CEP83: variants seen among roughly 807,000 people sequenced by gnomAD.
The protein encoded by CEP83 is centrosomal protein of 83 kDa.
Under a neutral mutation model 101.9 loss-of-function variants are expected in CEP83, and 70 were observed. That is an observed-to-expected ratio of 0.69 (90% CI 0.57 to 0.84). CEP83 has a LOEUF of 0.84. CEP83 is among the 40% of genes least tolerant of loss of function. The pLI is 0.00. For synonymous variants in CEP83, 264 were observed against 267.9 expected (o/e 0.99, Z 0.14); for missense variants, 715 against 787.2 (o/e 0.91, Z 1.10).
At chr12:94,362,646 T>C (rs2060827666) in intron 11 of CEP83, among the ~76,000 whole-genome samples, 1 of 151,894 alleles carries the variant, frequency 6.6e-6, no homozygotes, top group Non-Finnish European at 1.5e-5. Flanking sequence ...CAAAAAAAAC[T>C]GAAACAGAAC....
At position 94,341,242 on chromosome 12, in the gene CEP83, T is replaced by C. The variant is rs545163563; in HGVS notation, c.1344-5578A>G. Among the ~76,000 whole-genome samples, 16 of 152,176 alleles carry C rather than the reference T, an allele frequency of 1.1e-4. 1 individual carries two copies. Among genetic ancestry groups the C allele is most frequent in the Non-Finnish European group, 2.2e-4 (15 of 68,038 alleles). ...CTTTCATCAAAAGAAAAGACTGGTATATAATTAATAAAGGATCTGTCAAAG... is the reference window on the plus strand; with the variant it reads ...CTTTCATCAAAAGAAAAGACTGGTACATAATTAATAAAGGATCTGTCAAAG... On this transcript the variant is annotated intron_variant, in intron 11 of 16. Coordinates refer to ENST00000397809, the MANE Select transcript of CEP83 (RefSeq NM_016122.3).
intron 6 of CEP83, among the ~76,000 whole-genome samples, chr12:94,381,184 G>A (rs1054647897): frequency 2.0e-5 from 3 of 152,162 alleles, no homozygotes; most frequent in East Asian, 1.9e-4. Flanking sequence ...TTGTGTCCCA[G>A]ACATTTGGCA....
chr12:94,353,439 A>G (rs1275419771), intron 11 of CEP83, among the ~76,000 whole-genome samples: 2 of 152,216 alleles, frequency 1.3e-5, no homozygotes, highest in East Asian at 3.8e-4. Flanking sequence ...AGATATACAA[A>G]TGAGAAAGAA....
intron 7 of CEP83, among the ~76,000 whole-genome samples, chr12:94,378,055 G>A (rs943033851): frequency 2.0e-5 from 3 of 151,760 alleles, no homozygotes; most frequent in Non-Finnish European, 2.9e-5. Flanking sequence ...TTAAATGCCC[G>A]CTAATGTCCC....
chr12:94,298,987 C>G, the CEP83 span, among the ~76,000 whole-genome samples: 1 of 152,114 alleles, frequency 6.6e-6, no homozygotes, highest in Non-Finnish European at 1.5e-5. Flanking sequence ...CATTCCTATG[C>G]CAAGAATCCT....
At chr12:94,279,924 C>A in the CEP83 span, 2 of 574,996 alleles carry the variant, frequency 3.5e-6, no homozygotes, top group Non-Finnish European at 6.5e-6. Context: ...GATGAGATTG[C>A]AGGCCCTGAG....
At chr12:94,340,216 G>C (rs1176407698) in intron 11 of CEP83, among the ~76,000 whole-genome samples, 3 of 152,176 alleles carry the variant, frequency 2.0e-5, no homozygotes, top group African/African-American at 7.2e-5. Flanking sequence ...ATTGACTACA[G>C]GATATCATAA....
intron 6 of CEP83, among the ~76,000 whole-genome samples, chr12:94,395,747 G>A (rs2137476609): frequency 6.6e-6 from 1 of 152,280 alleles, no homozygotes. Flanking sequence ...CATGAACCCA[G>A]AAGGCAGAGC....
intron 2 of CEP83, 95 bp from the exon 3 acceptor site, chr12:94,412,686 T>C: frequency 2.6e-6 from 1 of 378,810 alleles, no homozygotes; most frequent in Non-Finnish European, 4.4e-6. Context: ...ATTATTCTTT[T>C]TTTTTTCTTT....
At chr12:94,368,528 C>T (rs2061135423) in intron 9 of CEP83, 1 of 191,758 alleles carries the variant, frequency 5.2e-6, no homozygotes, top group Non-Finnish European at 1.1e-5. Context: ...TACTTCACCT[C>T]TAAAGAGGTT....
intron 1 of CEP83, among the ~76,000 whole-genome samples, chr12:94,455,930 C>G (rs1024744395): frequency 1.3e-5 from 2 of 151,978 alleles, no homozygotes; most frequent in Non-Finnish European, 2.9e-5. Flanking sequence ...ACCTGTTAGC[C>G]CCAGCCACTT....
At chr12:94,305,796 C>T (rs1263986281), downstream of CEP83, 3 of 152,838 alleles carry the variant, frequency 2.0e-5, no homozygotes, top group South Asian at 2.1e-4. Flanking sequence ...AAAAGCTGAC[C>T]GCAGAATTTG....
intron 2 of CEP83, among the ~76,000 whole-genome samples, chr12:94,425,951 T>G (rs1333734641): frequency 2.6e-5 from 4 of 151,884 alleles, no homozygotes; most frequent in Non-Finnish European, 5.9e-5. Context: ...AAACCCCATC[T>G]CTACTAAAAA....
At chr12:94,409,213 G>A (rs2063731508) in intron 4 of CEP83, among the ~76,000 whole-genome samples, 1 of 151,988 alleles carries the variant, frequency 6.6e-6, no homozygotes, top group African/African-American at 2.4e-5. Flanking sequence ...TTCAAAATGT[G>A]TGTTTATATG....
chr12:94,306,238 GATACATT>G (rs1968999922), downstream of CEP83: 1 of 151,004 alleles, frequency 6.6e-6, no homozygotes, highest in African/African-American at 2.5e-5. Context: ...AAAAAAAAAA[GATACATT>G]TTACATTTTA....
intron 6 of CEP83, among the ~76,000 whole-genome samples, chr12:94,396,592 C>T (rs1228260647): frequency 2.0e-5 from 3 of 151,948 alleles, no homozygotes; most frequent in Admixed American, 6.6e-5. Context: ...CTGGCCAACA[C>T]TGTATTTATT....
chr12:94,303,443 T>A (rs527315453), downstream of CEP83, among the ~76,000 whole-genome samples: 1 of 152,210 alleles, frequency 6.6e-6, no homozygotes, highest in African/African-American at 2.4e-5. Context: ...ATGATTGAAA[T>A]AAGTTCCATT....
intron 6 of CEP83, among the ~76,000 whole-genome samples, chr12:94,386,860 T>G (rs1473388884): frequency 6.6e-6 from 1 of 152,150 alleles, no homozygotes; most frequent in African/African-American, 2.4e-5. Context: ...CCTAGCATTG[T>G]TGAGATGATT....
intron 2 of CEP83, chr12:94,424,125 A>T: frequency 6.2e-7 from 1 of 1,604,810 alleles, no homozygotes; most frequent in Non-Finnish European, 8.5e-7. Flanking sequence ...GAGGAAAGGT[A>T]TGGGGAGAGT....
Sources: allele counts gnomAD v4.1 joint callset (sites outside exome capture counted in the v4.1 genomes callset), GRCh38; gene constraint gnomAD v4.1.1; transcripts MANE v1.5; gene names NCBI Gene and HGNC (gene_info 2026-07-23, HGNC 2026-07-21).